Variants in SNW1 observed in about 807,000 individuals in gnomAD.
SNW1 encodes the protein SNW domain-containing protein 1.
Under a neutral mutation model 75.6 loss-of-function variants are expected in SNW1, and 9 were observed. The ratio of observed to expected loss-of-function variants is 0.12; its 90% CI spans 0.07 to 0.21. SNW1 has a LOEUF of 0.21. Among genes scored for constraint, SNW1 ranks in the 10% least tolerant of loss-of-function variants. The probability of loss-of-function intolerance (pLI) is 1.00; values close to 1 mark genes in which losing one functional copy is unlikely to be tolerated. For synonymous variants in SNW1, 200 were observed against 219.1 expected (o/e 0.91, Z 0.77); for missense variants, 409 against 670.9 (o/e 0.61, Z 4.31).
intron 3 of SNW1, among the ~76,000 whole-genome samples, chr14:77,743,935 G>T (rs1300114458): frequency 6.6e-6 from 1 of 152,052 alleles, no homozygotes; most frequent in Non-Finnish European, 1.5e-5. Flanking sequence ...TCCACTTCTA[G>T]AAAACAAACA....
At chr14:77,751,803 A>AAG (rs1289855047) in intron 2 of SNW1, among the ~76,000 whole-genome samples, 21 of 96,028 alleles carry the variant, frequency 2.2e-4, no homozygotes, top group Non-Finnish European at 3.6e-4. Flanking sequence ...CAGTCATGGG[A>AAG]AGACACACAC....
At chr14:77,746,696 TA>T (rs925287825) in intron 3 of SNW1, among the ~76,000 whole-genome samples, 4 of 149,226 alleles carry the variant, frequency 2.7e-5, no homozygotes, top group African/African-American at 9.9e-5. Context: ...TATAGATTAA[TA>T]AAAAAAAATG....
chr14:77,751,588 G>A (rs2080807475), intron 2 of SNW1, 108 bp from the exon 3 acceptor site: 2 of 816,830 alleles, frequency 2.4e-6, no homozygotes, highest in Non-Finnish European at 3.6e-6. Flanking sequence ...CTAGATGCTA[G>A]AGATACAGCA....
At chr14:77,723,029 A>T in intron 11 of SNW1, 152 bp downstream of exon 11, 1 of 628,090 alleles carries the variant, frequency 1.6e-6, no homozygotes, top group African/African-American at 1.8e-5. Flanking sequence ...TTGTACTTTT[A>T]GTAGACACAG....
chr14:77,744,207 C>T (rs2080740758), intron 3 of SNW1, among the ~76,000 whole-genome samples: 1 of 150,386 alleles, frequency 6.6e-6, no homozygotes, highest in Non-Finnish European at 1.5e-5. Context: ...AATCCCAGCA[C>T]TTTGGGAAGC....
intron 6 of SNW1, 72 bp from the exon 7 acceptor site, chr14:77,736,078 C>T: frequency 1.8e-6 from 2 of 1,094,914 alleles, no homozygotes; most frequent in Admixed American, 2.2e-5. Context: ...AGTCTCTCCT[C>T]CTTTTTCTTG....
Position 77,718,091 on chromosome 14 carries a change from T to C in SNW1, c.1608A>G (p.Glu536=), listed in dbSNP as rs1566824242. Residue 536 remains glutamate, a synonymous_variant, in exon 14 of 14, where the codon GAA becomes GAG. Transcript: ENST00000261531. ...HEHEGKKRRK[E] The stretch of plus-strand genomic sequence containing the variant: ...TTCACTTTGGAGAGACCTGTGCCTA[T>C]TCCTTCCTCCTCTTCTTGCCTTCAT... 6.3e-7 allele frequency: 1 copy of C among 1,577,578 alleles called. No individual in the cohort carries two copies. The highest frequency in any genetic ancestry group is 8.6e-7 in the Non-Finnish European group (1 of 1,162,390).
Position 77,718,160 on chromosome 14 carries a change from G to A in SNW1, c.1539C>T (p.Gly513=), listed in dbSNP as rs746355655. 1.1e-5 allele frequency: 17 copies of A among 1,613,272 alleles called. No homozygotes were observed. The highest frequency in any genetic ancestry group is 8.9e-5 in the East Asian group (4 of 44,880). Residue 513 remains glycine, a synonymous_variant, in exon 14 of 14, where the codon GGC becomes GGT. Transcript: ENST00000261531. The part of the protein sequence containing the change: ...KFLEEAKQHG[G]SKRPSDSSRP... ...GGCTGCTATCTGAGGGTCTTTTAGA[G>A]CCACCATGCTGTTTGGCTTCTTCCA...
At chr14:77,727,359 T>G (rs1413812204) in intron 10 of SNW1, among the ~76,000 whole-genome samples, 1 of 152,146 alleles carries the variant, frequency 6.6e-6, no homozygotes, top group East Asian at 1.9e-4. Flanking sequence ...GGCCTTCCTT[T>G]CCAATCTGGA....
intron 11 of SNW1, among the ~76,000 whole-genome samples, chr14:77,722,118 G>C (rs1566826128): frequency 6.6e-6 from 1 of 152,122 alleles, no homozygotes; most frequent in Non-Finnish European, 1.5e-5. Flanking sequence ...ACAGAAAACT[G>C]TTCATTTGGG....
chr14:77,730,818 T>A, intron 10 of SNW1, 170 bp downstream of exon 10: 1 of 654,740 alleles, frequency 1.5e-6, no homozygotes, highest in South Asian at 2.3e-5. Context: ...TTATCTCCTG[T>A]TGCTTCAGCT....
chr14:77,760,670 C>T (rs1372479677), intron 1 of SNW1: 1 of 702,362 alleles, frequency 1.4e-6, no homozygotes, highest in Admixed American at 2.0e-5. Flanking sequence ...TGTTTCGGGA[C>T]ACCCAGTGGA....
chr14:77,744,941 G>A (rs1404983465), intron 3 of SNW1, among the ~76,000 whole-genome samples: 2 of 152,100 alleles, frequency 1.3e-5, no homozygotes, highest in African/African-American at 2.4e-5. Flanking sequence ...TTGCAGGAGT[G>A]GACTACACTT....
At chr14:77,738,391 T>C (rs903858352) in intron 5 of SNW1, among the ~76,000 whole-genome samples, 1 of 152,076 alleles carries the variant, frequency 6.6e-6, no homozygotes, top group African/African-American at 2.4e-5. Context: ...GGAGGACTGC[T>C]TGAGCCCAGG....
rs2080805776 is a variant in SNW1 at position 77,751,349 on chromosome 14, T to G, written c.300A>C (p.Ala100=). 6.2e-7 allele frequency: 1 copy of G among 1,613,528 alleles called. No individual in the cohort carries two copies. The highest frequency in any genetic ancestry group is 1.3e-5 in the African/African-American group (1 of 75,046). The change falls in exon 3 of 14, where the codon GCA becomes GCC. Residue 100 remains alanine (A), a synonymous_variant. Transcript: ENST00000261531. ...VDSEGKIKYD[A]IARQGQSKDK... ...CTTTTGACTGTCCTTGTCGAGCAATTGCATCATATTTAATTTTTCCTTCAG... is the reference window on the plus strand; with the variant it reads ...CTTTTGACTGTCCTTGTCGAGCAATGGCATCATATTTAATTTTTCCTTCAG...
At chr14:77,746,970 G>A (rs1191248049) in intron 3 of SNW1, among the ~76,000 whole-genome samples, 5 of 149,928 alleles carry the variant, frequency 3.3e-5, no homozygotes, top group Admixed American at 6.7e-5. Context: ...ATGCTGAGCC[G>A]AGGCTGGACT....
Position 77,742,761 on chromosome 14 carries a change from A to G in SNW1, c.331-3700T>C, listed in dbSNP as rs114182496. Among the ~76,000 whole-genome samples, 1,190 of 151,694 alleles carry G rather than the reference A, an allele frequency of 7.8e-3. 13 individuals are homozygous for G. The highest frequency in any genetic ancestry group is 0.028 in the African/African-American group (1,144 of 41,438). ...TCGTTTCTTTAAGAGATAGGGTTTC[A>G]TTATATTGCCCAGGCTAGTCTCAAA... On this transcript the variant is annotated intron_variant, in intron 3 of 13. Coordinates refer to ENST00000261531, the MANE Select transcript of SNW1 (RefSeq NM_012245.3).
intron 3 of SNW1, among the ~76,000 whole-genome samples, chr14:77,750,375 G>A (rs2080797887): frequency 6.6e-6 from 1 of 152,152 alleles, no homozygotes; most frequent in South Asian, 2.1e-4. Flanking sequence ...ACCTGCTAAG[G>A]ATGAGATGGG....
chr14:77,759,821 T>TAAA (rs140735776), intron 1 of SNW1, among the ~76,000 whole-genome samples: 2 of 151,072 alleles, frequency 1.3e-5, no homozygotes, highest in African/African-American at 4.8e-5. Context: ...AGTTTTTTTT[T>TAAA]AAAAAAATTT....
Sources: gnomAD v4.1 joint callset for allele counts (sites outside exome capture counted in the v4.1 genomes callset) on GRCh38, gnomAD v4.1.1 for gene constraint, MANE v1.5 for transcripts, NCBI Gene and HGNC (gene_info 2026-07-23, HGNC 2026-07-21) for gene names.